The following ATP9A variants were observed in gnomAD, a reference collection of about 807,000 sequenced individuals.
The protein encoded by ATP9A is ATPase phospholipid transporting 9A, also known as probable phospholipid-transporting ATPase IIA.
A neutral mutation model predicts 144.1 loss-of-function variants in ATP9A; 52 were observed. The observed-to-expected ratio is 0.36, with a 90% CI of 0.29 to 0.45. The LOEUF is 0.45. Ranked by LOEUF, ATP9A falls within the 20% of genes least tolerant of loss-of-function variation. ATP9A has a pLI of 1.00. For synonymous variants in ATP9A, 582 were observed against 557.4 expected (o/e 1.04, Z -0.62); for missense variants, 947 against 1,392.7 (o/e 0.68, Z 5.09).
chr20:51,644,092 G>A (rs1010834296), intron 14 of ATP9A, among the ~76,000 whole-genome samples: 2 of 152,014 alleles, frequency 1.3e-5, no homozygotes, highest in South Asian at 2.1e-4. Context: ...CTGGGATGGC[G>A]CCATTGCACT....
intron 16 of ATP9A, among the ~76,000 whole-genome samples, 190 bp from the exon 17 acceptor site, chr20:51,627,873 C>T (rs1390604710): frequency 2.0e-5 from 3 of 152,150 alleles, no homozygotes; most frequent in Non-Finnish European, 2.9e-5. Context: ...GAGAGGCAGC[C>T]GGTGAGCCAA....
rs1212021577 is a variant in ATP9A, at chr20:51,611,970, T to C, written c.2571+1707A>G. ...ACCCAAAGCAGCACTACCTGATACA[T>C]TGTACAAGGCAGACCGCCTTTCAAG... On this transcript the variant is annotated intron_variant, in intron 23 of 27. Coordinates refer to ENST00000338821, the MANE Select transcript of ATP9A (RefSeq NM_006045.3). This position sits in a 1 kb window ranked among gnomAD's most constrained non-coding sequence, Gnocchi z 4.2. 2.0e-5 allele frequency among the ~76,000 whole-genome samples: 3 copies of C among 152,230 alleles called. No individual in the cohort carries two copies. The highest frequency in any genetic ancestry group is 2.9e-5 in the Non-Finnish European group (2 of 68,038).
At chr20:51,682,844 T>C (rs2077506230) in intron 9 of ATP9A, among the ~76,000 whole-genome samples, 1 of 148,952 alleles carries the variant, frequency 6.7e-6, no homozygotes, top group Admixed American at 6.7e-5. Context: ...CCAGCCGCAT[T>C]GGCCTCCCAA....
chr20:51,761,886 G>A (rs200735523), intron 1 of ATP9A, among the ~76,000 whole-genome samples: 5 of 152,254 alleles, frequency 3.3e-5, no homozygotes, highest in East Asian at 3.9e-4. Flanking sequence ...CAGCAGAGCC[G>A]TGTTCCTTCT....
chr20:51,760,471 A>C (rs1000824697), intron 1 of ATP9A, among the ~76,000 whole-genome samples: 7 of 152,152 alleles, frequency 4.6e-5, no homozygotes, highest in African/African-American at 1.7e-4. Context: ...TCACATCTGT[A>C]ATCCCAGCAC....
intron 2 of ATP9A, among the ~76,000 whole-genome samples, chr20:51,726,889 CTTTTT>C (rs55719132): frequency 2.1e-5 from 2 of 93,996 alleles, no homozygotes; most frequent in Non-Finnish European, 4.1e-5. Context: ...TGTGTTATTT[CTTTTT>C]TTTTTTTTTT....
At chr20:51,702,254 C>T (rs2077596453) in intron 4 of ATP9A, among the ~76,000 whole-genome samples, 1 of 147,730 alleles carries the variant, frequency 6.8e-6, no homozygotes, top group African/African-American at 2.5e-5. Context: ...GAGCCAAGAC[C>T]GTGCCACAGC....
intron 1 of ATP9A, among the ~76,000 whole-genome samples, chr20:51,748,948 T>TAGATAGATAGATAGACAGACAGACAGAC (rs765791447): frequency 1.4e-3 from 187 of 137,872 alleles, no homozygotes; most frequent in African/African-American, 2.8e-3. Context: ...GATAGATAGA[T>TAGATAGATAGATAGACAGACAGACAGAC]AGACAGACAG....
chr20:51,709,257 G>C (rs937410191), intron 4 of ATP9A, among the ~76,000 whole-genome samples: 3 of 152,164 alleles, frequency 2.0e-5, no homozygotes, highest in Non-Finnish European at 2.9e-5. Context: ...GCTCACACCT[G>C]TAATCCCAAC....
intron 17 of ATP9A, among the ~76,000 whole-genome samples, chr20:51,626,854 C>T (rs572675259): frequency 7.6e-4 from 115 of 151,716 alleles, no homozygotes; most frequent in African/African-American, 2.6e-3. Context: ...GTCAGGAGTT[C>T]GAGACCAGCC....
intron 14 of ATP9A, among the ~76,000 whole-genome samples, chr20:51,648,045 T>C (rs746873809): frequency 1.2e-4 from 18 of 152,204 alleles, no homozygotes; most frequent in East Asian, 1.9e-4. Context: ...GGGTCCAAGG[T>C]CATGGCAACG....
Position 51,605,047 on chromosome 20 carries a change from C to T in ATP9A, c.2804-27G>A, listed in dbSNP as rs765391949. ...TGCAAACACCAGAGAAGGGTATTCC[C>T]CTCACCCTCCCTGCGAAAGCCGTGC... On this transcript the variant is annotated intron_variant, in intron 26 of 27. Transcript: ENST00000338821. 6 of 1,550,472 alleles carry T rather than the reference C, an allele frequency of 3.9e-6. No homozygotes were observed. In the Admixed American group the frequency reaches 5.6e-5, roughly 15 times the overall value.
chr20:51,695,655 AT>A (rs1041374847), intron 6 of ATP9A, among the ~76,000 whole-genome samples: 1 of 152,162 alleles, frequency 6.6e-6, no homozygotes, highest in Non-Finnish European at 1.5e-5. Flanking sequence ...CCCCTGACTC[AT>A]GAACAAAGGG....
At chr20:51,656,559 AAAAAT>A (rs1393972442) in intron 14 of ATP9A, among the ~76,000 whole-genome samples, 2 of 152,186 alleles carry the variant, frequency 1.3e-5, no homozygotes, top group Non-Finnish European at 2.9e-5. Context: ...TCTCGGGGAA[AAAAAT>A]AAAATAAAAA....
At chr20:51,767,821 G>T in intron 1 of ATP9A, among the ~76,000 whole-genome samples, 1 of 152,226 alleles carries the variant, frequency 6.6e-6, no homozygotes, top group East Asian at 1.9e-4. Context: ...CAGGGGCGCT[G>T]ATGGGGTACC....
At chr20:51,610,553 C>T (rs970291949) in intron 23 of ATP9A, among the ~76,000 whole-genome samples, 1 of 152,146 alleles carries the variant, frequency 6.6e-6, no homozygotes, top group African/African-American at 2.4e-5. Context: ...CACAGCTGAT[C>T]TCCAGAGCAG....
chr20:51,651,103 A>C (rs1212567929), intron 14 of ATP9A, among the ~76,000 whole-genome samples: 1 of 146,902 alleles, frequency 6.8e-6, no homozygotes, highest in African/African-American at 2.5e-5. Flanking sequence ...CTTCCTGTTT[A>C]ATTATATGTA....
intron 11 of ATP9A, 131 bp from the exon 12 acceptor site, chr20:51,671,388 A>G (rs1601094938): frequency 2.0e-6 from 2 of 992,824 alleles, no homozygotes; most frequent in African/African-American, 3.2e-5. Flanking sequence ...ACACTGCCAG[A>G]GCTGAACGCA....
chr20:51,751,402 A>T (rs929112014), intron 1 of ATP9A, among the ~76,000 whole-genome samples: 1 of 151,084 alleles, frequency 6.6e-6, no homozygotes, highest in Non-Finnish European at 1.5e-5. Context: ...TGAGACCACA[A>T]ACATGCAATA....
Sources: allele counts gnomAD v4.1 joint callset (sites outside exome capture counted in the v4.1 genomes callset), GRCh38; gene constraint gnomAD v4.1.1; non-coding constraint Gnocchi (gnomAD v3.1); transcripts MANE v1.5; gene names NCBI Gene and HGNC (gene_info 2026-07-23, HGNC 2026-07-21).